BIRC5: variants seen among roughly 807,000 people sequenced by gnomAD.
BIRC5 encodes the protein baculoviral IAP repeat containing 5, also known as baculoviral IAP repeat-containing protein 5.
In BIRC5, 8 loss-of-function variants were observed where a neutral mutation model predicts 15.8. The ratio of observed to expected loss-of-function variants is 0.51; its 90% CI spans 0.30 to 0.91. BIRC5 has a LOEUF of 0.91. Among genes scored for constraint, BIRC5 ranks in the 40% least tolerant of loss-of-function variants. The probability of loss-of-function intolerance (pLI) is 0.07; values close to 1 mark genes in which losing one functional copy is unlikely to be tolerated. For synonymous variants in BIRC5, 56 were observed against 64.5 expected (o/e 0.87, Z 0.63); for missense variants, 163 against 178.6 (o/e 0.91, Z 0.50).
chr17:78,217,340 T>A (rs1013113848), intron 3 of BIRC5, among the ~76,000 whole-genome samples: 16 of 150,716 alleles, frequency 1.1e-4, no homozygotes, highest in Middle Eastern at 6.8e-3. Flanking sequence ...CACACCCAGG[T>A]AATTTTTGTA....
rs1335252192 is a variant in BIRC5 at position 78,222,844 on chromosome 17, C to A, written c.340-621C>A. The A allele has an allele frequency of 3.9e-6, 6 of 1,535,882 alleles. No homozygotes were observed. The Admixed American group carries it at 9.8e-5, about 25-fold the overall frequency. ...GCCCCTTAGGAGAGAGCTCTGTTAG[C>A]AGAATGAAAAAATTGGAAGCCAGAT... On this transcript the variant is annotated intron_variant, in intron 3 of 3. Coordinates refer to ENST00000350051, the MANE Select transcript of BIRC5 (RefSeq NM_001168.3).
In BIRC5 at chr17:78,224,265, G is replaced by A. The variant is rs2076535299; in HGVS notation, c.*711G>A. On this transcript the variant is annotated 3_prime_UTR_variant, in exon 4 of 4. Transcript: ENST00000350051. ...AACGGGGTGAACTTCAGGTGGATGAGGAGACAGAATAGAGTGATAGGAAGC... is the reference window on the plus strand; with the variant it reads ...AACGGGGTGAACTTCAGGTGGATGAAGAGACAGAATAGAGTGATAGGAAGC... 1 of 152,222 alleles carries A rather than the reference G, an allele frequency of 6.6e-6. No homozygotes were observed. Among genetic ancestry groups the A allele is most frequent in the Non-Finnish European group, 1.5e-5 (1 of 68,064 alleles). The allele number at this position is 152,222 out of a possible 1,614,324, so 9.4% of individuals were successfully genotyped here. A position where few individuals can be genotyped will look rare whatever the true frequency, so the allele number is the denominator to read the frequency against.
chr17:78,214,950 T>G (rs2076467259), intron 2 of BIRC5, 161 bp downstream of exon 2: 1 of 668,314 alleles, frequency 1.5e-6, no homozygotes, highest in Non-Finnish European at 2.6e-6. Context: ...GGTGCCTTGG[T>G]GATGCTTACA....
In BIRC5 at chr17:78,225,225, CCT is replaced by C. The variant is rs1599035112; in HGVS notation, c.*1675_*1676del. 1 of 152,202 alleles carries C rather than the reference CCT, an allele frequency of 6.6e-6. No individual in the cohort carries two copies. Among genetic ancestry groups the C allele is most frequent in the Non-Finnish European group, 1.5e-5 (1 of 68,048 alleles). The allele number at this position is 152,202 out of a possible 1,614,324, so 9.4% of individuals were successfully genotyped here. On this transcript the variant is annotated 3_prime_UTR_variant, in exon 4 of 4. Coordinates refer to ENST00000350051, the MANE Select transcript of BIRC5 (RefSeq NM_001168.3). ...TGGGCAGGGCTGAGCTGGAGCCGCCCCTCTCAGCCCGCCTGCCACGGCCTTTC... is the reference window on the plus strand; with the variant it reads ...TGGGCAGGGCTGAGCTGGAGCCGCCCCTCAGCCCGCCTGCCACGGCCTTTC...
At chr17:78,219,194 TTTTAA>T (rs1180396567) in intron 3 of BIRC5, among the ~76,000 whole-genome samples, 1 of 152,144 alleles carries the variant, frequency 6.6e-6, no homozygotes, top group Admixed American at 6.5e-5. Context: ...TGTGGCTTTA[TTTTAA>T]TTTGAGACAG....
At chr17:78,216,880 ATTTTT>A in intron 3 of BIRC5, 99 bp downstream of exon 3, 1 of 688,332 alleles carries the variant, frequency 1.5e-6, no homozygotes, top group Non-Finnish European at 2.2e-6. Context: ...CTCAGGAAGC[ATTTTT>A]TTTTTTTTTC....
intron 3 of BIRC5, chr17:78,222,735 T>C: frequency 3.4e-6 from 5 of 1,458,898 alleles, no homozygotes; most frequent in Admixed American, 2.7e-5. Flanking sequence ...AGGTCTTTGT[T>C]TTTTAATGTA....
In BIRC5 at chr17:78,224,014, T is replaced by G; in HGVS notation, c.*460T>G. On this transcript the variant is annotated 3_prime_UTR_variant, in exon 4 of 4. Coordinates refer to ENST00000350051, the MANE Select transcript of BIRC5 (RefSeq NM_001168.3). ...ATCTGAGCTGCAGGTTCCTTATCTG[T>G]CACACCTGTGCCTCCTCAGAGGACA... 1 of 178,310 alleles carries G rather than the reference T, an allele frequency of 5.6e-6. No homozygotes were observed. Among genetic ancestry groups the G allele is most frequent in the Non-Finnish European group, 1.2e-5 (1 of 85,792 alleles). The allele number at this position is 178,310 out of a possible 1,614,324, so 11.0% of individuals were successfully genotyped here.
chr17:78,214,985 A>G (rs1485229101), intron 2 of BIRC5, 196 bp downstream of exon 2: 2 of 556,854 alleles, frequency 3.6e-6, no homozygotes, highest in East Asian at 6.5e-5. Flanking sequence ...CATTTGACCA[A>G]AATGCCTTGG....
At chr17:78,216,024 C>T (rs371588539) in intron 2 of BIRC5, 10 of 1,006,966 alleles carry the variant, frequency 9.9e-6, no homozygotes, top group Non-Finnish European at 8.6e-6. Flanking sequence ...CCGAGGCGGG[C>T]GGATCACGAG....
At chr17:78,221,913 C>T (rs12945071) in intron 3 of BIRC5, among the ~76,000 whole-genome samples, 62,476 of 152,076 alleles carry the variant, frequency 0.41, 13,058 homozygotes, top group African/African-American at 0.49. Context: ...AAGTGCGCTG[C>T]TGGGCCAGGT....
At position 78,217,719 on chromosome 17, in the gene BIRC5, G is replaced by A. The variant is rs189915377; in HGVS notation, c.339+938G>A. Among the ~76,000 whole-genome samples, 256 of 150,258 alleles carry A rather than the reference G, an allele frequency of 1.7e-3. 3 individuals are homozygous for A. Among genetic ancestry groups the A allele is most frequent in the African/African-American group, 6.0e-3 (244 of 40,772 alleles). ...TCACCGTGTTAGCCAGGAGGGTCTC[G>A]ATCTCCTGACCTCGTGATCTGCCTG... On this transcript the variant is annotated intron_variant, in intron 3 of 3. Transcript: ENST00000350051.
rs1567867388 is a variant in BIRC5, at chr17:78,224,051, G to GTGTTTT, written c.*498_*499insGTTTTT. ...CTCCTCAGAGGACAGTTTTTTTGTT[G>GTGTTTT]TTGTGTTTTTTTGTTTTTTTTTTTT... On this transcript the variant is annotated 3_prime_UTR_variant, in exon 4 of 4. Coordinates refer to ENST00000350051, the MANE Select transcript of BIRC5 (RefSeq NM_001168.3). The GTGTTTT allele has an allele frequency of 2.6e-5, 3 of 114,834 alleles. 1 individual carries two copies. The highest frequency in any genetic ancestry group is 3.6e-5 in the Non-Finnish European group (2 of 55,484). The allele number at this position is 114,834 out of a possible 1,614,324, so 7.1% of individuals were successfully genotyped here.
At chr17:78,221,040 G>A (rs538943476) in intron 3 of BIRC5, among the ~76,000 whole-genome samples, 82 of 152,206 alleles carry the variant, frequency 5.4e-4, no homozygotes, top group African/African-American at 3.9e-4. Flanking sequence ...TGCATTGGGC[G>A]CTGATTCTTG....
At chr17:78,223,426 C>A (rs1436745629) in intron 3 of BIRC5, 39 bp from the exon 4 acceptor site, 1 of 1,521,774 alleles carries the variant, frequency 6.6e-7, no homozygotes, top group South Asian at 1.3e-5. Context: ...GACTGGGAAG[C>A]TCTGGTTTCA....
At chr17:78,220,166 C>T (rs1029732370) in intron 3 of BIRC5, among the ~76,000 whole-genome samples, 2 of 152,142 alleles carry the variant, frequency 1.3e-5, no homozygotes, top group African/African-American at 2.4e-5. Context: ...TGGTGGCTCA[C>T]GCCTGTAATC....
In BIRC5 at chr17:78,223,508, C is replaced by A; in HGVS notation, c.383C>A (p.Ala128Glu). The change falls in exon 4 of 4, where the codon GCG becomes GAG. Residue 128 changes from alanine (A) to glutamate (E), a missense_variant. Coordinates refer to ENST00000350051, the MANE Select transcript of BIRC5 (RefSeq NM_001168.3). ...NNKKKEFEET[A>E]EKVRRAIEQL... ...AAGAAGAAAGAATTTGAGGAAACTGCGGAGAAAGTGCGCCGTGCCATCGAG... is the reference window on the plus strand; with the variant it reads ...AAGAAGAAAGAATTTGAGGAAACTGAGGAGAAAGTGCGCCGTGCCATCGAG... 1 of 1,608,976 alleles carries A rather than the reference C, an allele frequency of 6.2e-7. No individual in the cohort carries two copies. The highest frequency in any genetic ancestry group is 1.7e-4 in the Middle Eastern group (1 of 6,044).
intron 2 of BIRC5, 61 bp downstream of exon 2, chr17:78,214,850 G>C (rs2076466542): frequency 2.0e-6 from 3 of 1,465,438 alleles, no homozygotes; most frequent in Non-Finnish European, 1.9e-6. Context: ...CAAAAGATTT[G>C]AGTTGCAAAG....
chr17:78,223,932 C>T lies in BIRC5; in HGVS notation c.*378C>T. 3.7e-6 allele frequency: 1 copy of T among 272,512 alleles called. No homozygotes were observed. Among genetic ancestry groups the T allele is most frequent in the Non-Finnish European group, 6.9e-6 (1 of 145,092 alleles). 16.9% of individuals were successfully genotyped at this position (272,512 alleles called of 1,614,324 possible). A position where few individuals can be genotyped will look rare whatever the true frequency, so the allele number is the denominator to read the frequency against. On this transcript the variant is annotated 3_prime_UTR_variant, in exon 4 of 4. Transcript: ENST00000350051. Reference sequence around the variant, plus strand: ...GCCTTCCACAGTGAATGTGTCTGGACCTCATGTTGTTGAGGCTGTCACAGT... The same window carrying T: ...GCCTTCCACAGTGAATGTGTCTGGATCTCATGTTGTTGAGGCTGTCACAGT...
Sources: gnomAD v4.1 joint callset for allele counts (sites outside exome capture counted in the v4.1 genomes callset) on GRCh38, gnomAD v4.1.1 for gene constraint, MANE v1.5 for transcripts, NCBI Gene and HGNC (gene_info 2026-07-23, HGNC 2026-07-21) for gene names.